MAGI3: variants seen among roughly 807,000 people sequenced by gnomAD.
MAGI3 encodes membrane-associated guanylate kinase, WW and PDZ domain-containing protein 3.
Under a neutral mutation model 121.8 loss-of-function variants are expected in MAGI3, and 43 were observed. That is an observed-to-expected ratio of 0.35 (90% CI 0.28 to 0.46). MAGI3 has a LOEUF of 0.46. Among genes scored for constraint, MAGI3 ranks in the 20% least tolerant of loss-of-function variants. The probability of loss-of-function intolerance (pLI) is 1.00; values close to 1 mark genes in which losing one functional copy is unlikely to be tolerated. For synonymous variants in MAGI3, 553 were observed against 639.3 expected, an observed-to-expected ratio of 0.86 and a Z score of 2.04; for missense variants, 1,547 against 1,797.3, an observed-to-expected ratio of 0.86 and a Z score of 2.52.
intron 3 of MAGI3, among the ~76,000 whole-genome samples, chr1:113,584,219 C>T (rs764042447): frequency 1.4e-4 from 22 of 152,132 alleles, no homozygotes; most frequent in East Asian, 3.9e-4. Context: ...ATTTCTCTAA[C>T]GTTAGCATAA....
intron 1 of MAGI3, among the ~76,000 whole-genome samples, chr1:113,545,523 G>A (rs374780996): frequency 2.6e-5 from 4 of 152,274 alleles, no homozygotes; most frequent in South Asian, 2.1e-4. Flanking sequence ...CATGCCCAGC[G>A]TTTAGTTAAA....
intron 2 of MAGI3, among the ~76,000 whole-genome samples, chr1:113,564,935 C>T (rs1477907807): frequency 1.3e-5 from 2 of 151,960 alleles, no homozygotes; most frequent in African/African-American, 4.8e-5. Context: ...CTGCAACCTC[C>T]ACCTCCCAGG....
At chr1:113,522,573 C>T (rs544789977) in intron 1 of MAGI3, among the ~76,000 whole-genome samples, 1 of 152,300 alleles carries the variant, frequency 6.6e-6, no homozygotes, top group South Asian at 2.1e-4. Context: ...TAATAATACT[C>T]ACCTCACAGG....
chr1:113,576,477 G>A (rs753495095), intron 2 of MAGI3, among the ~76,000 whole-genome samples: 18 of 152,016 alleles, frequency 1.2e-4, no homozygotes, highest in Non-Finnish European at 1.5e-4. Flanking sequence ...CTCACCCTCC[G>A]CGAGCTGCAC....
At chr1:113,644,372 C>T (rs945847993) in intron 11 of MAGI3, among the ~76,000 whole-genome samples, 10 of 152,202 alleles carry the variant, frequency 6.6e-5, no homozygotes, top group South Asian at 2.1e-4. Context: ...CCTCCGCCTC[C>T]GGGGTTCAAG....
In MAGI3 at chr1:113,684,215, C is replaced by A; in HGVS notation, c.*201C>A. The A allele has an allele frequency of 2.0e-6, 1 of 506,830 alleles. No homozygotes were observed. Among genetic ancestry groups the A allele is most frequent in the Non-Finnish European group, 3.2e-6 (1 of 307,832 alleles). The allele number at this position is 506,830 out of a possible 1,614,324, so 31.4% of individuals were successfully genotyped here. On this transcript the variant is annotated 3_prime_UTR_variant, in exon 21 of 21. Transcript: ENST00000307546. ...CCCCCTGGCCGGCTGCCCTCCCTCG[C>A]TCTCAGGAAGGAGCTGCATCCACAT... is the stretch of plus-strand genomic sequence containing the variant.
intron 6 of MAGI3, among the ~76,000 whole-genome samples, chr1:113,612,979 C>G (rs927571706): frequency 2.0e-5 from 3 of 152,106 alleles, no homozygotes; most frequent in Non-Finnish European, 4.4e-5. Flanking sequence ...CCTCCTTACT[C>G]AGCTCTATTC....
chr1:113,542,511 A>T lies in MAGI3; in HGVS notation c.317-7004A>T, dbSNP rs1170949238. ...AGAGGAACTCCTGTACTTCTCTTTT[A>T]TAATGTTTCCACGTTTGAAATTTCT... is the stretch of plus-strand genomic sequence containing the variant. On this transcript the variant is annotated intron_variant, in intron 1 of 20. Coordinates refer to ENST00000307546, the MANE Select transcript of MAGI3 (RefSeq NM_001142782.2). 1.3e-5 allele frequency among the ~76,000 whole-genome samples: 2 copies of T among 152,246 alleles called. 1 individual carries two copies. The highest frequency in any genetic ancestry group is 4.8e-5 in the African/African-American group (2 of 41,468).
chr1:113,512,597 GC>G (rs1414916149), intron 1 of MAGI3, among the ~76,000 whole-genome samples: 7 of 152,068 alleles, frequency 4.6e-5, no homozygotes, highest in Non-Finnish European at 7.4e-5. Flanking sequence ...GACTGATGAG[GC>G]AAAACATTTG....
Sources: gnomAD v4.1 joint callset for allele counts (sites outside exome capture counted in the v4.1 genomes callset) on GRCh38, gnomAD v4.1.1 for gene constraint, MANE v1.5 for transcripts, NCBI Gene and HGNC (gene_info 2026-07-23, HGNC 2026-07-21) for gene names.